Variants in PPP2R3A observed in about 807,000 individuals in gnomAD.
PPP2R3A encodes serine/threonine-protein phosphatase 2A regulatory subunit B'' subunit alpha.
A neutral mutation model predicts 106.9 loss-of-function variants in PPP2R3A; 80 were observed. The observed-to-expected ratio is 0.75, with a 90% CI of 0.62 to 0.90. The LOEUF is 0.90. PPP2R3A is among the 40% of genes least tolerant of loss of function. The pLI is 0.00. For synonymous variants in PPP2R3A, 483 were observed against 468.3 expected, an observed-to-expected ratio of 1.03 and a Z score of -0.41; for missense variants, 1,386 against 1,350.4, an observed-to-expected ratio of 1.03 and a Z score of -0.41.
chr3:136,119,133 T>C (rs1463012282), intron 13 of PPP2R3A, among the ~76,000 whole-genome samples: 1 of 152,234 alleles, frequency 6.6e-6, no homozygotes, highest in Non-Finnish European at 1.5e-5. Context: ...GGATTCCCTA[T>C]TTAATAAATG....
At position 136,002,860 on chromosome 3, in the gene PPP2R3A, T is replaced by C; in HGVS notation, c.1362T>C (p.His454=). ...AACATAGAGCAGAATTTCCAGAACA[T>C]GCTACTCATCTTAAAAAATGCCCCA... The part of the protein sequence containing the change: ...VNEHRAEFPE[H]ATHLKKCPTP... The change falls in exon 2 of 14, where the codon CAT becomes CAC. Residue 454 remains histidine (H), a synonymous_variant. Coordinates refer to ENST00000264977, the MANE Select transcript of PPP2R3A (RefSeq NM_002718.5). The C allele has an allele frequency of 6.2e-7, 1 of 1,613,912 alleles. No individual in the cohort carries two copies. Among genetic ancestry groups the C allele is most frequent in the Admixed American group, 1.7e-5 (1 of 59,992 alleles).
chr3:136,054,182 CACACAT>C (rs1409197715), intron 5 of PPP2R3A, among the ~76,000 whole-genome samples: 3 of 151,378 alleles, frequency 2.0e-5, no homozygotes, highest in African/African-American at 4.9e-5. Flanking sequence ...ATTCCCCCTA[CACACAT>C]ACACATACAC....
At chr3:135,993,544 C>T (rs1933264070) in intron 1 of PPP2R3A, among the ~76,000 whole-genome samples, 1 of 152,028 alleles carries the variant, frequency 6.6e-6, no homozygotes, top group South Asian at 2.1e-4. Context: ...TGCTAATTAC[C>T]CAAAAGAAAT....
In PPP2R3A at chr3:136,145,225, AGATGTTCTC is replaced by A; in HGVS notation, c.*61_*69del. On this transcript the variant is annotated 3_prime_UTR_variant, in exon 14 of 14. Transcript: ENST00000264977. The stretch of plus-strand genomic sequence containing the variant: ...TTTTAAATGTTTCTTTCTTGTGAAG[AGATGTTCTC>A]GTTTGCATACTGCTTTTTAAAGACT... 6.4e-7 allele frequency: 1 copy of A among 1,551,708 alleles called. No individual in the cohort carries two copies. The highest frequency in any genetic ancestry group is 8.7e-7 in the Non-Finnish European group (1 of 1,150,780).
At chr3:136,142,078 T>C (rs754247912) in intron 13 of PPP2R3A, among the ~76,000 whole-genome samples, 4 of 152,148 alleles carry the variant, frequency 2.6e-5, no homozygotes, top group Non-Finnish European at 4.4e-5. Context: ...AGGCTGAGGC[T>C]GGACATAGTT....
At chr3:136,131,231 C>T (rs1203179118) in intron 13 of PPP2R3A, among the ~76,000 whole-genome samples, 2 of 152,126 alleles carry the variant, frequency 1.3e-5, no homozygotes, top group Non-Finnish European at 2.9e-5. Context: ...GAACAGGCAA[C>T]CTACAGAATG....
At chr3:136,124,978 A>G (rs956080001) in intron 13 of PPP2R3A, among the ~76,000 whole-genome samples, 8 of 152,214 alleles carry the variant, frequency 5.3e-5, no homozygotes, top group Non-Finnish European at 1.2e-4. Flanking sequence ...ATAGGCCTAT[A>G]TCAAATAAAG....
chr3:136,000,199 C>T (rs1420969757), intron 1 of PPP2R3A, among the ~76,000 whole-genome samples: 1 of 152,166 alleles, frequency 6.6e-6, no homozygotes, highest in Non-Finnish European at 1.5e-5. Flanking sequence ...TTCTCCCCAA[C>T]ACATGCCACC....
At chr3:136,095,815 T>C (rs562538052) in intron 10 of PPP2R3A, among the ~76,000 whole-genome samples, 1 of 152,352 alleles carries the variant, frequency 6.6e-6, no homozygotes, top group African/African-American at 2.4e-5. Context: ...CACATTGCTT[T>C]ACTAAAGCAG....
chr3:136,072,905 C>T (rs768171453), intron 6 of PPP2R3A, among the ~76,000 whole-genome samples: 9 of 151,934 alleles, frequency 5.9e-5, no homozygotes, highest in Non-Finnish European at 2.9e-5. Flanking sequence ...TTTTGAAGTA[C>T]TTGGACATTC....
chr3:136,118,827 A>T (rs541717167), intron 13 of PPP2R3A, among the ~76,000 whole-genome samples: 1 of 152,346 alleles, frequency 6.6e-6, no homozygotes, highest in Non-Finnish European at 1.5e-5. Context: ...TGCTATCCCC[A>T]TCAAGCTACC....
chr3:136,115,195 TAACA>T (rs1340499009), intron 13 of PPP2R3A, among the ~76,000 whole-genome samples: 3 of 152,212 alleles, frequency 2.0e-5, no homozygotes, highest in Non-Finnish European at 4.4e-5. Flanking sequence ...GAAGGAAAAC[TAACA>T]AACAGAAAAG....
At chr3:136,041,736 T>A (rs1935295612) in intron 4 of PPP2R3A, among the ~76,000 whole-genome samples, 1 of 152,244 alleles carries the variant, frequency 6.6e-6, no homozygotes. Context: ...TAGATTTTAA[T>A]CATTACCTTT....
intron 2 of PPP2R3A, among the ~76,000 whole-genome samples, chr3:136,018,285 A>T (rs1432540925): frequency 1.3e-5 from 2 of 152,212 alleles, no homozygotes; most frequent in Admixed American, 1.3e-4. Context: ...AAAGGGGTAG[A>T]CTTACTTTGG....
intron 10 of PPP2R3A, among the ~76,000 whole-genome samples, chr3:136,097,717 T>C (rs1329729926): frequency 6.6e-6 from 1 of 152,242 alleles, no homozygotes; most frequent in East Asian, 1.9e-4. Flanking sequence ...TGCCTGATTT[T>C]GGTTCTCTTA....
intron 1 of PPP2R3A, among the ~76,000 whole-genome samples, chr3:135,998,100 C>A (rs539641671): frequency 6.6e-6 from 1 of 152,350 alleles, no homozygotes; most frequent in South Asian, 2.1e-4. Context: ...TTCCTGCCCT[C>A]TTGCTTGTCT....
intron 2 of PPP2R3A, chr3:136,023,283 A>G: frequency 8.3e-7 from 1 of 1,207,096 alleles, no homozygotes; most frequent in Non-Finnish European, 1.2e-6. Flanking sequence ...CATCCAGTGA[A>G]CTAACTCACA....
intron 1 of PPP2R3A, among the ~76,000 whole-genome samples, chr3:135,970,584 T>G (rs1020378579): frequency 2.0e-5 from 3 of 152,170 alleles, no homozygotes; most frequent in Non-Finnish European, 4.4e-5. Context: ...AGATGGAGTC[T>G]TTGACCTCAG....
At chr3:136,126,588 A>G (rs892388841) in intron 13 of PPP2R3A, among the ~76,000 whole-genome samples, 1 of 152,186 alleles carries the variant, frequency 6.6e-6, no homozygotes, top group African/African-American at 2.4e-5. Context: ...ACAGCAGACA[A>G]CTTCTGCAGA....
Sources: gnomAD v4.1 joint callset for allele counts (sites outside exome capture counted in the v4.1 genomes callset) on GRCh38, gnomAD v4.1.1 for gene constraint, MANE v1.5 for transcripts, NCBI Gene and HGNC (gene_info 2026-07-23, HGNC 2026-07-21) for gene names.